The following ZNF565 variants were observed in gnomAD, a reference collection of about 807,000 sequenced individuals.
ZNF565 encodes zinc finger protein 565.
Under a neutral mutation model 39.4 loss-of-function variants are expected in ZNF565, and 27 were observed. The observed-to-expected ratio is 0.69, with a 90% confidence interval of 0.51 to 0.95. The LOEUF is 0.95. Among genes scored for constraint, ZNF565 ranks in the 40% least tolerant of loss-of-function variants. ZNF565 has a pLI of 0.00. For missense variants in ZNF565, 524 were observed against 621.1 expected, an observed-to-expected ratio of 0.84 and a Z score of 1.66; for synonymous variants, 185 against 216.6, an observed-to-expected ratio of 0.85 and a Z score of 1.28.
chr19:36,232,147 G>A (rs1257165450), intron 1 of ZNF565, among the ~76,000 whole-genome samples: 2 of 147,186 alleles, frequency 1.4e-5, no homozygotes, highest in African/African-American at 5.0e-5. Flanking sequence ...AGGTTGCAGT[G>A]AGCTGAGACT....
intron 2 of ZNF565, among the ~76,000 whole-genome samples, chr19:36,196,122 A>C (rs952627385): frequency 6.6e-6 from 1 of 151,652 alleles, no homozygotes. Context: ...TTTTTAGTAG[A>C]GATGGGGTTT....
chr19:36,226,254 C>T (rs1235020066), intron 1 of ZNF565, among the ~76,000 whole-genome samples: 2 of 152,184 alleles, frequency 1.3e-5, no homozygotes, highest in Admixed American at 6.5e-5. Context: ...CTTGATCTCC[C>T]TCCTGCAAGT....
intron 2 of ZNF565, 118 bp from the exon 3 acceptor site, chr19:36,195,274 C>T: frequency 2.5e-6 from 3 of 1,198,480 alleles, no homozygotes; most frequent in South Asian, 3.0e-5. Flanking sequence ...CCCCGATATG[C>T]ACCAGTCTGC....
intron 3 of ZNF565, 165 bp from the exon 4 acceptor site, chr19:36,194,493 G>C: frequency 1.9e-6 from 1 of 539,600 alleles, no homozygotes; most frequent in Non-Finnish European, 3.2e-6. Flanking sequence ...GTTCCACAAA[G>C]CACAAAACAA....
At chr19:36,185,264 A>G (rs1409729224) in intron 4 of ZNF565, among the ~76,000 whole-genome samples, 2 of 151,872 alleles carry the variant, frequency 1.3e-5, no homozygotes, top group Non-Finnish European at 2.9e-5. Context: ...AAAATACAAA[A>G]TTAGCCGGCC....
Position 36,183,437 on chromosome 19 carries a change from T to G in ZNF565, c.529A>C (p.Ser177Arg), listed in dbSNP as rs1975161887. The change falls in exon 5 of 5, where the codon AGC (serine) becomes CGC (arginine). Residue 177 changes from serine to arginine, a missense_variant. Coordinates refer to ENST00000304116, the MANE Select transcript of ZNF565 (RefSeq NM_152477.5). ...MECHECGKAF[S>R]RGSHLIQHQK... ...TGTTGAATAAGGTGTGAGCCACGGC[T>G]AAATGCTTTCCCACATTCATGACAT... 1.2e-6 allele frequency: 2 copies of G among 1,612,180 alleles called. No homozygotes were observed. The highest frequency in any genetic ancestry group is 2.7e-5 in the African/African-American group (2 of 74,902).
chr19:36,240,613 A>G (rs1977781810), intron 1 of ZNF565, among the ~76,000 whole-genome samples: 1 of 152,204 alleles, frequency 6.6e-6, no homozygotes, highest in Non-Finnish European at 1.5e-5. Context: ...TCACACCTGT[A>G]ATCTCAGCAC....
intron 1 of ZNF565, among the ~76,000 whole-genome samples, chr19:36,232,841 C>A (rs1977446783): frequency 6.6e-6 from 1 of 151,906 alleles, no homozygotes; most frequent in Admixed American, 6.6e-5. Flanking sequence ...AACTCTTGGC[C>A]CCACAGTGCT....
intron 1 of ZNF565, chr19:36,238,904 CG>C (rs1403332062): frequency 6.4e-6 from 1 of 155,366 alleles, no homozygotes; most frequent in African/African-American, 2.4e-5. Context: ...GCCAGATCAG[CG>C]GTGGCATTAG....
At chr19:36,237,688 T>C (rs1977694822) in intron 1 of ZNF565, 1 of 187,230 alleles carries the variant, frequency 5.3e-6, no homozygotes, top group Non-Finnish European at 1.2e-5. Flanking sequence ...ATAGATGACA[T>C]GGTCATCTAC....
chr19:36,233,059 T>C (rs1977458168), intron 1 of ZNF565, among the ~76,000 whole-genome samples: 2 of 152,206 alleles, frequency 1.3e-5, no homozygotes, highest in Admixed American at 1.3e-4. Context: ...GTTTTACTTC[T>C]AAAAAATTAA....
intron 4 of ZNF565, among the ~76,000 whole-genome samples, chr19:36,190,452 T>C (rs1461700357): frequency 2.6e-5 from 4 of 151,680 alleles, no homozygotes; most frequent in African/African-American, 9.7e-5. Context: ...GGTGGGCGCC[T>C]GTAATCCCAG....
chr19:36,238,296 T>TA (rs1389367692), intron 1 of ZNF565: 18 of 167,112 alleles, frequency 1.1e-4, no homozygotes, highest in Non-Finnish European at 5.9e-5. Flanking sequence ...TATCTATTGG[T>TA]AATGGATGCA....
At chr19:36,194,095 C>G in intron 4 of ZNF565, 138 bp downstream of exon 4, 2 of 603,006 alleles carry the variant, frequency 3.3e-6, no homozygotes. Flanking sequence ...CTAATAAAGT[C>G]TTTACTCGCC....
In ZNF565 at chr19:36,227,918, T is replaced by C. The variant is rs142693861; in HGVS notation, c.55+17558A>G. Among the ~76,000 whole-genome samples the C allele has an allele frequency of 1.4e-3, 208 of 152,258 alleles. 1 individual carries two copies. The highest frequency in any genetic ancestry group is 4.6e-3 in the African/African-American group (190 of 41,552). ...GCTTACATCTGTAATCCCAGCACTTTGGGAGGCTGAGGTGGGTGGATCACC... is the reference window on the plus strand; with the variant it reads ...GCTTACATCTGTAATCCCAGCACTTCGGGAGGCTGAGGTGGGTGGATCACC... On this transcript the variant is annotated intron_variant, in intron 1 of 4. Transcript: ENST00000355114.
chr19:36,199,504 CTCT>C, intron 2 of ZNF565, among the ~76,000 whole-genome samples: 1 of 131,162 alleles, frequency 7.6e-6, no homozygotes, highest in African/African-American at 2.6e-5. Flanking sequence ...TTCTTTCTTT[CTCT>C]TTTTTTTTTT....
In ZNF565 at chr19:36,182,687, C is replaced by T; in HGVS notation, c.1279G>A (p.Ala427Thr). ...GTCAGTTGTGAAACACGAATAAAGGCCTTCCCACATTCCTTACATTCGTAG... is the reference window on the plus strand; with the variant it reads ...GTCAGTTGTGAAACACGAATAAAGGTCTTCCCACATTCCTTACATTCGTAG... ...KPYECKECGK[A>T]FIRVSQLTHH... The change falls in exon 5 of 5, where the codon GCC becomes ACC. Residue 427 changes from alanine to threonine, a missense_variant. By Grantham distance (58) the Ala-to-Thr change is moderately conservative (BLOSUM62 0). Coordinates refer to ENST00000304116, the MANE Select transcript of ZNF565 (RefSeq NM_152477.5). 6.2e-7 allele frequency: 1 copy of T among 1,614,206 alleles called. No individual in the cohort carries two copies. The highest frequency in any genetic ancestry group is 8.5e-7 in the Non-Finnish European group (1 of 1,180,032).
At chr19:36,213,755 A>C (rs1599949503) in intron 1 of ZNF565, among the ~76,000 whole-genome samples, 2 of 127,198 alleles carry the variant, frequency 1.6e-5, no homozygotes, top group East Asian at 2.2e-4. Context: ...TGATCCTCCC[A>C]CCTCGGCCTC....
chr19:36,235,218 A>G (rs1977599564), intron 1 of ZNF565, among the ~76,000 whole-genome samples: 1 of 140,474 alleles, frequency 7.1e-6, no homozygotes, highest in South Asian at 2.2e-4. Flanking sequence ...AAAAAAAAAA[A>G]AAGAAGAAAG....
Sources: gnomAD v4.1 joint callset for allele counts (sites outside exome capture counted in the v4.1 genomes callset) on GRCh38, gnomAD v4.1.1 for gene constraint, MANE v1.5 for transcripts, NCBI Gene and HGNC (gene_info 2026-07-23, HGNC 2026-07-21) for gene names.